HTR2C: variants seen among roughly 807,000 people sequenced by gnomAD.
The protein encoded by HTR2C is 5-hydroxytryptamine (serotonin) receptor 2C, G protein-coupled.
Under a neutral mutation model 21.0 loss-of-function variants are expected in HTR2C, and 5 were observed. That is an observed-to-expected ratio of 0.24 (90% CI 0.12 to 0.50). HTR2C has a LOEUF of 0.50. Ranked by LOEUF, HTR2C falls within the 20% of genes least tolerant of loss-of-function variation. The pLI is 0.98. For missense variants in HTR2C, 271 were observed against 371.2 expected, an observed-to-expected ratio of 0.73 and a Z score of 2.22; for synonymous variants, 150 against 145.3, an observed-to-expected ratio of 1.03 and a Z score of -0.23.
At chrX:114,871,503 A>C (rs2071091279) in intron 5 of HTR2C, among the ~76,000 whole-genome samples, 2 of 111,412 alleles carry the variant, frequency 1.8e-5, no homozygotes, top group African/African-American at 6.5e-5. Context: ...ATACCTATCC[A>C]ATGCTGAAAG....
intron 4 of HTR2C, among the ~76,000 whole-genome samples, chrX:114,814,315 C>CA (rs2070561851): frequency 1.8e-5 from 2 of 110,499 alleles, no homozygotes; most frequent in South Asian, 7.7e-4. Flanking sequence ...AGAATACTTA[C>CA]AAGTCATCAC....
At position 114,641,070 on chromosome X, in the gene HTR2C, C is replaced by A. The variant is rs78265652; in HGVS notation, c.-80+27189C>A. Among the ~76,000 whole-genome samples the A allele has an allele frequency of 5.7e-3, 379 of 66,021 alleles. 22 individuals are homozygous for A. The East Asian group carries it at 0.13, about 23-fold the overall frequency. The allele number at this position is 66,021 out of a possible 115,157, so 57.3% of individuals were successfully genotyped here. On this transcript the variant is annotated intron_variant, in intron 2 of 5. Transcript: ENST00000276198. ...TTTCTTTCTTTTTTTCTTTTCTTTT[C>A]TTTTCTTTTCTTTCTTTCATCTGTG...
chrX:114,754,903 C>T (rs141112874), intron 4 of HTR2C, among the ~76,000 whole-genome samples: 5,601 of 111,756 alleles, frequency 0.05, 131 homozygotes, highest in Non-Finnish European at 0.071. Flanking sequence ...GTATTAGTTT[C>T]CTATGTCTGC....
intron 1 of HTR2C, among the ~76,000 whole-genome samples, chrX:114,603,089 T>C (rs1160370821): frequency 1.3e-4 from 14 of 108,978 alleles, no homozygotes; most frequent in Admixed American, 2.9e-4. Context: ...AAGAAGGAAA[T>C]TTGGGGAAAT....
chrX:114,835,219 A>G (rs1310694722), intron 4 of HTR2C, among the ~76,000 whole-genome samples: 4 of 93,811 alleles, frequency 4.3e-5, no homozygotes, highest in African/African-American at 1.1e-4. Context: ...TCTTTGTGGC[A>G]TTCTCTGTAT....
chrX:114,723,430 T>C (rs1318585172), intron 2 of HTR2C, among the ~76,000 whole-genome samples: 63 of 111,512 alleles, frequency 5.6e-4, no homozygotes, highest in African/African-American at 1.9e-3. Context: ...GTCTTGCTAG[T>C]GGTCTATCAA....
At chrX:114,756,172 T>C (rs782363934) in intron 4 of HTR2C, among the ~76,000 whole-genome samples, 8 of 111,426 alleles carry the variant, frequency 7.2e-5, no homozygotes, top group Admixed American at 9.6e-5. Context: ...TCTATCAGAA[T>C]GGCTAGAATA....
At chrX:114,606,628 T>A (rs1394425515) in intron 1 of HTR2C, among the ~76,000 whole-genome samples, 4 of 110,486 alleles carry the variant, frequency 3.6e-5, no homozygotes, top group African/African-American at 9.9e-5. Context: ...GAGAAGAGAG[T>A]AAGAAGAGGC....
chrX:114,863,471 G>A (rs1297149144), intron 5 of HTR2C, among the ~76,000 whole-genome samples: 1 of 110,987 alleles, frequency 9.0e-6, no homozygotes, highest in Non-Finnish European at 1.9e-5. Context: ...TTGATTTCTC[G>A]TTTCGTGTTA....
intron 5 of HTR2C, among the ~76,000 whole-genome samples, chrX:114,862,627 T>C (rs1556473333): frequency 9.0e-6 from 1 of 110,876 alleles, no homozygotes; most frequent in African/African-American, 3.3e-5. Flanking sequence ...TGTACATATT[T>C]TTCTTTATGT....
In HTR2C at chrX:114,731,412, G is replaced by T. The variant is rs74465306; in HGVS notation, c.154G>T (p.Val52Leu). Residue 52 changes from valine (V) to leucine (L), a missense_variant, in exon 4 of 6, where the codon GTA (valine) becomes TTA (leucine). Transcript: ENST00000276198. Reference protein sequence around the residue: ...DGGRFKFPDGVQNWPALSIVI... With the variant: ...DGGRFKFPDGLQNWPALSIVI... ...TGGACGCTTCAAATTCCCAGACGGGGTACAAAACTGGCCAGCACTTTCAAT... is the reference window on the plus strand; with the variant it reads ...TGGACGCTTCAAATTCCCAGACGGGTTACAAAACTGGCCAGCACTTTCAAT... 3.3e-6 allele frequency: 4 copies of T among 1,207,634 alleles called. No homozygotes were observed. The highest frequency in any genetic ancestry group is 3.5e-5 in the African/African-American group (2 of 56,826).
intron 5 of HTR2C, among the ~76,000 whole-genome samples, chrX:114,867,539 G>T (rs1397907420): frequency 9.0e-6 from 1 of 110,951 alleles, no homozygotes; most frequent in Non-Finnish European, 1.9e-5. Context: ...TTTTTGCTTT[G>T]GTTGCTTGTG....
chrX:114,661,288 A>G (rs1347270615), intron 2 of HTR2C, among the ~76,000 whole-genome samples: 5 of 110,929 alleles, frequency 4.5e-5, no homozygotes, highest in African/African-American at 6.6e-5. Flanking sequence ...CCCCGTCTCT[A>G]CTAAAAATAC....
chrX:114,823,688 T>C (rs782075743), intron 4 of HTR2C: 13 of 275,457 alleles, frequency 4.7e-5, no homozygotes, highest in South Asian at 4.0e-4. Context: ...TAGAGGAGGG[T>C]AGAGTACTGA....
At chrX:114,821,228 G>A (rs949112352) in intron 4 of HTR2C, among the ~76,000 whole-genome samples, 17 of 62,802 alleles carry the variant, frequency 2.7e-4, no homozygotes, top group Non-Finnish European at 3.6e-4. Context: ...ATATGAGTAC[G>A]TACAGACTAT....
rs781837112 is a variant in HTR2C at position 114,700,995 on chromosome X, C to T, written c.-79-25863C>T. ...CTGAGATAAAACTGCAAGGTGGCAG[C>T]GAGGCTGGGGGAGGGGCGACCGCCA... On this transcript the variant is annotated intron_variant, in intron 2 of 5. Transcript: ENST00000276198. 9.6e-4 allele frequency among the ~76,000 whole-genome samples: 108 copies of T among 112,129 alleles called. 2 individuals are homozygous for T. Among genetic ancestry groups the T allele is most frequent in the African/African-American group, 3.2e-3 (99 of 30,936 alleles).
intron 4 of HTR2C, among the ~76,000 whole-genome samples, chrX:114,741,280 G>A (rs964958656): frequency 9.3e-6 from 1 of 107,878 alleles, no homozygotes; most frequent in Non-Finnish European, 1.9e-5. Context: ...CAGCACTTTG[G>A]GAGGCTGAAG....
At chrX:114,861,620 A>C (rs782589174) in intron 5 of HTR2C, among the ~76,000 whole-genome samples, 1 of 111,106 alleles carries the variant, frequency 9.0e-6, no homozygotes, top group East Asian at 2.8e-4. Flanking sequence ...GCAGTGTACA[A>C]GTGTTGCCTT....
rs184530602 is a variant in HTR2C at position 114,837,827 on chromosome X, A to T, written c.350-10176A>T. On this transcript the variant is annotated intron_variant, in intron 4 of 5. Transcript: ENST00000276198. Reference sequence around the variant, plus strand: ...ATGATGAGTAATGGGGTAAACTGGCATCTTGTCCAATTTCTAAATTTAATG... The same window carrying T: ...ATGATGAGTAATGGGGTAAACTGGCTTCTTGTCCAATTTCTAAATTTAATG... Among the ~76,000 whole-genome samples the T allele has an allele frequency of 1.1e-3, 119 of 111,526 alleles. 1 individual carries two copies. Among genetic ancestry groups the T allele is most frequent in the African/African-American group, 3.8e-3 (116 of 30,800 alleles).
Sources: gnomAD v4.1 joint callset for allele counts (sites outside exome capture counted in the v4.1 genomes callset) on GRCh38, gnomAD v4.1.1 for gene constraint, MANE v1.5 for transcripts, NCBI Gene and HGNC (gene_info 2026-07-23, HGNC 2026-07-21) for gene names.